The following SLC30A8 variants were observed in gnomAD, a reference collection of about 807,000 sequenced individuals.
The protein encoded by SLC30A8 is proton-coupled zinc antiporter SLC30A8.
Under a neutral mutation model 36.9 loss-of-function variants are expected in SLC30A8, and 27 were observed. That is an observed-to-expected ratio of 0.73 (90% CI 0.54 to 1.01). SLC30A8 has a LOEUF of 1.01. SLC30A8 is among the 50% of genes least tolerant of loss of function. SLC30A8 has a pLI of 0.00. For missense variants in SLC30A8, 439 were observed against 452.0 expected, an observed-to-expected ratio of 0.97 and a Z score of 0.26; for synonymous variants, 164 against 172.4, an observed-to-expected ratio of 0.95 and a Z score of 0.38.
chr8:117,132,953 G>C (rs529828917), upstream of SLC30A8, among the ~76,000 whole-genome samples: 1 of 151,996 alleles, frequency 6.6e-6, no homozygotes, highest in East Asian at 1.9e-4. Context: ...TGGAAGCTTT[G>C]CTTTATGGTA....
rs1200176284 is a variant in SLC30A8 at position 117,171,092 on chromosome 8, G to C, written c.888G>C (p.Gly296=). 1 of 1,612,400 alleles carries C rather than the reference G, an allele frequency of 6.2e-7. No individual in the cohort carries two copies. The highest frequency in any genetic ancestry group is 8.5e-7 in the Non-Finnish European group (1 of 1,179,034). ...GVKELILAVD[G]VLSVHSLHIW... The stretch of plus-strand genomic sequence containing the variant: ...AAGAGCTTATTTTAGCAGTCGACGG[G>C]GTGCTGTCTGTGCACAGCCTGCACA... The change falls in exon 7 of 8, where the codon GGG becomes GGC. Residue 296 remains glycine, a synonymous_variant. Coordinates refer to ENST00000456015, the MANE Select transcript of SLC30A8 (RefSeq NM_173851.3).
intron 1 of SLC30A8, among the ~76,000 whole-genome samples, chr8:117,034,826 G>A (rs1400372324): frequency 6.6e-6 from 1 of 152,134 alleles, no homozygotes; most frequent in African/African-American, 2.4e-5. Flanking sequence ...CATGGCAGAA[G>A]GGGAAGCAGG....
At chr8:117,119,445 T>C (rs1820593628) in intron 2 of SLC30A8, among the ~76,000 whole-genome samples, 1 of 151,812 alleles carries the variant, frequency 6.6e-6, no homozygotes, top group African/African-American at 2.4e-5. Context: ...TGAAGTAACC[T>C]CCCTATTTGC....
chr8:117,067,829 T>C (rs1818215199), intron 2 of SLC30A8, among the ~76,000 whole-genome samples: 1 of 152,218 alleles, frequency 6.6e-6, no homozygotes, highest in Non-Finnish European at 1.5e-5. Flanking sequence ...TCATACTAAA[T>C]GTCCTTTTCA....
At chr8:117,078,932 C>T (rs1329093280) in intron 2 of SLC30A8, among the ~76,000 whole-genome samples, 1 of 152,152 alleles carries the variant, frequency 6.6e-6, no homozygotes, top group Non-Finnish European at 1.5e-5. Context: ...AAGTGACCCA[C>T]CTGCCTTAGC....
intron 3 of SLC30A8, among the ~76,000 whole-genome samples, chr8:117,153,723 GGTGTGTGTGTGTGT>G (rs59464276): frequency 3.8e-4 from 56 of 146,910 alleles, no homozygotes; most frequent in Non-Finnish European, 6.5e-4. Context: ...CATGATAAGG[GGTGTGTGTGTGTGT>G]GTGTGTGTGT....
In SLC30A8 at chr8:117,020,892, C is replaced by T. The variant is rs115007703; in HGVS notation, c.-265-18327C>T. On this transcript the variant is annotated intron_variant, in intron 1 of 10. Transcript: ENST00000427715. ...CTAAAGAAAAGAGTGGAATAATAAG[C>T]GATAGACTTAATAGACCCTTAAATC... 4.9e-3 allele frequency among the ~76,000 whole-genome samples: 738 copies of T among 151,916 alleles called. 6 individuals carry two copies. Among genetic ancestry groups the T allele is most frequent in the African/African-American group, 0.017 (707 of 41,420 alleles).
At chr8:116,990,646 A>G (rs530244827) in intron 1 of SLC30A8, among the ~76,000 whole-genome samples, 4 of 152,264 alleles carry the variant, frequency 2.6e-5, no homozygotes, top group African/African-American at 9.6e-5. Context: ...GGTGTCTCGG[A>G]ATGGAAAGAG....
At chr8:117,159,545 A>G (rs1383051198) in intron 4 of SLC30A8, among the ~76,000 whole-genome samples, 1 of 152,170 alleles carries the variant, frequency 6.6e-6, no homozygotes, top group South Asian at 2.1e-4. Context: ...ATGGTGTTTG[A>G]TCTGCTGTCA....
At chr8:117,017,429 G>C (rs1427820372) in intron 1 of SLC30A8, among the ~76,000 whole-genome samples, 1 of 152,092 alleles carries the variant, frequency 6.6e-6, no homozygotes, top group East Asian at 1.9e-4. Context: ...TTTCATTTCT[G>C]TATTTTCTAT....
In SLC30A8 at chr8:117,032,347, T is replaced by C. The variant is rs550069131; in HGVS notation, c.-265-6872T>C. ...ATGTTCTGTAATCAGTTCACCATGC[T>C]AGGCACACAGCAGGCAGTTAATAAG... On this transcript the variant is annotated intron_variant, in intron 1 of 10. Coordinates refer to the SLC30A8 transcript ENST00000427715. Among the ~76,000 whole-genome samples, 3 of 152,330 alleles carry C rather than the reference T, an allele frequency of 2.0e-5. No individual in the cohort carries two copies. The East Asian group carries it at 5.8e-4, about 29-fold the overall frequency.
Position 117,147,171 on chromosome 8 carries a change from C to T in SLC30A8, c.271+18C>T. ...GGTCGTGGGTGAGTCTTTCTGCAGA[C>T]TTTTTTCATTAAACAACCAAACAAA... On this transcript the variant is annotated intron_variant, in intron 2 of 7. Transcript: ENST00000456015. The T allele has an allele frequency of 6.2e-7, 1 of 1,608,910 alleles. No individual in the cohort carries two copies.
chr8:116,977,811 G>C (rs1218834817), intron 1 of SLC30A8, among the ~76,000 whole-genome samples: 1 of 152,020 alleles, frequency 6.6e-6, no homozygotes, highest in Non-Finnish European at 1.5e-5. Flanking sequence ...CTCCCAGCCT[G>C]CTCTACCACT....
chr8:116,994,001 T>G (rs1021968377), intron 1 of SLC30A8, among the ~76,000 whole-genome samples: 8 of 151,486 alleles, frequency 5.3e-5, no homozygotes, highest in African/African-American at 1.7e-4. Flanking sequence ...ACTAGAGAAA[T>G]GGGATCTGTA....
At chr8:117,088,217 A>G (rs1818956566) in intron 2 of SLC30A8, among the ~76,000 whole-genome samples, 1 of 151,998 alleles carries the variant, frequency 6.6e-6, no homozygotes, top group Non-Finnish European at 1.5e-5. Flanking sequence ...TGCCATGAAG[A>G]CCCCCTGACC....
intron 1 of SLC30A8, among the ~76,000 whole-genome samples, chr8:116,971,547 C>T (rs1814798275): frequency 6.6e-6 from 1 of 152,012 alleles, no homozygotes; most frequent in South Asian, 2.1e-4. Flanking sequence ...ATCTTTGAGA[C>T]TTTTTGATGA....
At chr8:116,954,176 G>A (rs1280407087) in intron 1 of SLC30A8, among the ~76,000 whole-genome samples, 1 of 152,192 alleles carries the variant, frequency 6.6e-6, no homozygotes, top group African/African-American at 2.4e-5. Flanking sequence ...GGAAAGATGA[G>A]TAGATGGTAA....
chr8:117,049,541 A>T (rs905476189), intron 2 of SLC30A8, among the ~76,000 whole-genome samples: 4 of 152,176 alleles, frequency 2.6e-5, no homozygotes, highest in Non-Finnish European at 4.4e-5. Context: ...AGTTCCCCTC[A>T]TCACTTTCAG....
chr8:117,022,293 C>T (rs1455555269), intron 1 of SLC30A8, among the ~76,000 whole-genome samples: 1 of 151,912 alleles, frequency 6.6e-6, no homozygotes, highest in Non-Finnish European at 1.5e-5. Context: ...TCAAAAAACA[C>T]TAACCATCAG....
Sources: gnomAD v4.1 joint callset for allele counts (sites outside exome capture counted in the v4.1 genomes callset) on GRCh38, gnomAD v4.1.1 for gene constraint, MANE v1.5 for transcripts, NCBI Gene and HGNC (gene_info 2026-07-23, HGNC 2026-07-21) for gene names.